Variants in PTPRO observed in about 807,000 individuals in gnomAD.
PTPRO encodes the protein protein tyrosine phosphatase receptor type O, also known as receptor-type tyrosine-protein phosphatase O.
In PTPRO, 62 loss-of-function variants were observed where a neutral mutation model predicts 145.2. The ratio of observed to expected loss-of-function variants is 0.43; its 90% CI spans 0.35 to 0.53. The LOEUF is 0.53. PTPRO is among the 20% of genes least tolerant of loss of function. The pLI, the probability that PTPRO is intolerant of heterozygous loss-of-function variation, is 0.01. For synonymous variants in PTPRO, 565 were observed against 514.7 expected (o/e 1.10, Z -1.32); for missense variants, 1,345 against 1,482.7 (o/e 0.91, Z 1.53).
chr12:15,508,424 G>C, intron 6 of PTPRO, 147 bp from the exon 7 acceptor site: 3 of 801,882 alleles, frequency 3.7e-6, no homozygotes, highest in Non-Finnish European at 6.4e-6. Context: ...CTGGGCAGAG[G>C]ACCTGAAGAG....
intron 1 of PTPRO, among the ~76,000 whole-genome samples, chr12:15,351,375 C>G (rs192826246): frequency 6.6e-6 from 1 of 152,262 alleles, no homozygotes; most frequent in Non-Finnish European, 1.5e-5. Flanking sequence ...GTGGGGCTGT[C>G]AGCAAGACTC....
At chr12:15,466,190 A>T (rs1243095439) in intron 1 of PTPRO, among the ~76,000 whole-genome samples, 1 of 152,040 alleles carries the variant, frequency 6.6e-6, no homozygotes, top group African/African-American at 2.4e-5. Context: ...TCATAATTCT[A>T]TTGTTTTAAC....
At chr12:15,514,140 C>A (rs181712242) in intron 7 of PTPRO, among the ~76,000 whole-genome samples, 11 of 152,062 alleles carry the variant, frequency 7.2e-5, no homozygotes, top group African/African-American at 2.7e-4. Context: ...GTATTTGTTA[C>A]GTATCCAAAT....
At position 15,596,891 on chromosome 12, in the gene PTPRO, TTGAACTC is replaced by T. The variant is rs1368376461; in HGVS notation, c.*821_*827del. 1 of 152,664 alleles carries T rather than the reference TTGAACTC, an allele frequency of 6.6e-6. No individual in the cohort carries two copies. Among genetic ancestry groups the T allele is most frequent in the Non-Finnish European group, 1.5e-5 (1 of 68,044 alleles). The allele number at this position is 152,664 out of a possible 1,614,324, so 9.5% of individuals were successfully genotyped here. A position where few individuals can be genotyped will look rare whatever the true frequency, so the allele number is the denominator to read the frequency against. The stretch of plus-strand genomic sequence containing the variant: ...TCAGAAGAGTGTCAAGTTGGACTCT[TTGAACTC>T]TGTTGCTGTCTGAGCAATCGTGGTG... On this transcript the variant is annotated 3_prime_UTR_variant, in exon 27 of 27. Transcript: ENST00000281171.
intron 2 of PTPRO, among the ~76,000 whole-genome samples, chr12:15,486,422 G>C (rs959632193): frequency 6.6e-6 from 1 of 151,980 alleles, no homozygotes; most frequent in Admixed American, 6.6e-5. Flanking sequence ...GCCTACTTCT[G>C]TCTTTACGTG....
intron 1 of PTPRO, among the ~76,000 whole-genome samples, chr12:15,434,391 A>G (rs1442076064): frequency 6.6e-6 from 1 of 152,202 alleles, no homozygotes; most frequent in Non-Finnish European, 1.5e-5. Flanking sequence ...TGTTTCTCAT[A>G]TAAGTAAAGG....
chr12:15,537,226 G>A (rs1591701553), intron 12 of PTPRO, among the ~76,000 whole-genome samples: 3 of 152,314 alleles, frequency 2.0e-5, no homozygotes, highest in Admixed American at 1.3e-4. Flanking sequence ...CTTGGATTCA[G>A]TGAAGACTTC....
At chr12:15,419,484 A>T (rs1193565294) in intron 1 of PTPRO, among the ~76,000 whole-genome samples, 1 of 151,722 alleles carries the variant, frequency 6.6e-6, no homozygotes, top group African/African-American at 2.4e-5. Context: ...CTAAATACTT[A>T]ACTGAAGTTA....
chr12:15,392,646 C>T (rs1032029016), intron 1 of PTPRO, among the ~76,000 whole-genome samples: 28 of 141,994 alleles, frequency 2.0e-4, no homozygotes, highest in South Asian at 4.7e-4. Flanking sequence ...GCTTGAACCT[C>T]GGAGGCGGAG....
intron 23 of PTPRO, among the ~76,000 whole-genome samples, chr12:15,585,401 C>T (rs918307370): frequency 2.6e-5 from 4 of 152,146 alleles, no homozygotes; most frequent in African/African-American, 9.7e-5. Flanking sequence ...TCTTTGTAGA[C>T]TTCATGTTCT....
At chr12:15,489,293 G>A (rs943879846) in intron 2 of PTPRO, among the ~76,000 whole-genome samples, 1 of 152,134 alleles carries the variant, frequency 6.6e-6, no homozygotes, top group Non-Finnish European at 1.5e-5. Flanking sequence ...TTCAGGGCGA[G>A]TGCACACCGC....
intron 1 of PTPRO, among the ~76,000 whole-genome samples, chr12:15,393,869 C>A (rs1939262797): frequency 6.6e-6 from 1 of 152,114 alleles, no homozygotes; most frequent in Non-Finnish European, 1.5e-5. Flanking sequence ...ATCAAGAGAT[C>A]CCATCTTGTG....
chr12:15,501,952 A>G lies in PTPRO; in HGVS notation c.994A>G (p.Lys332Glu), dbSNP rs1471855325. 1.9e-6 allele frequency: 3 copies of G among 1,614,040 alleles called. No individual in the cohort carries two copies. The African/African-American group carries it at 4.0e-5, about 22-fold the overall frequency. The stretch of plus-strand genomic sequence containing the variant: ...TAACAGTACACTCAGTGAGACAGAG[A>G]AGTCAACATCAGGCTCTTTCTCCTT... ...ENNSTLSETEKSTSGSFSFFP... is the reference protein window; with the variant it reads ...ENNSTLSETEESTSGSFSFFP... Residue 332 changes from lysine to glutamate, a missense_variant, in exon 5 of 27, where the codon AAG (lysine) becomes GAG (glutamate). Transcript: ENST00000281171.
chr12:15,569,582 T>G, intron 19 of PTPRO, 84 bp downstream of exon 19: 1 of 1,192,976 alleles, frequency 8.4e-7, no homozygotes, highest in Admixed American at 1.8e-5. Flanking sequence ...ATGTCCCTGC[T>G]CACTGGCAGT....
In PTPRO at chr12:15,588,803, T is replaced by C. The variant is rs573062072; in HGVS notation, c.3411-652T>C. On this transcript the variant is annotated intron_variant, in intron 24 of 26. Transcript: ENST00000281171. ...GTATTGTTTATGTGTATCAGCTCTC[T>C]GAATTCAGAAATCAGTTCCCGAGAG... 3.3e-5 allele frequency among the ~76,000 whole-genome samples: 5 copies of C among 152,308 alleles called. No homozygotes were observed. The South Asian group carries it at 1.0e-3, about 32-fold the overall frequency.
intron 1 of PTPRO, among the ~76,000 whole-genome samples, chr12:15,370,132 T>G (rs1184411486): frequency 6.6e-6 from 1 of 152,170 alleles, no homozygotes; most frequent in Non-Finnish European, 1.5e-5. Context: ...TAACAGAAGG[T>G]TTTTGAGTAA....
intron 17 of PTPRO, 197 bp from the exon 18 acceptor site, chr12:15,565,396 T>C: frequency 2.0e-6 from 1 of 489,280 alleles, no homozygotes; most frequent in Non-Finnish European, 3.7e-6. Context: ...TGCAATCTAG[T>C]AGAGTTTTAA....
Position 15,501,941 on chromosome 12 carries a change from G to A in PTPRO, c.983G>A (p.Ser328Asn). ...PMEYENNSTL[S>N]ETEKSTSGSF... ...GAATACGAAAATAACAGTACACTCA[G>A]TGAGACAGAGAAGTCAACATCAGGC... Residue 328 changes from serine (S) to asparagine (N), a missense_variant, in exon 5 of 27, where the codon AGT becomes AAT. Transcript: ENST00000281171. 1 of 1,614,010 alleles carries A rather than the reference G, an allele frequency of 6.2e-7. No homozygotes were observed. The highest frequency in any genetic ancestry group is 8.5e-7 in the Non-Finnish European group (1 of 1,179,920).
intron 7 of PTPRO, among the ~76,000 whole-genome samples, chr12:15,513,039 G>C (rs1942473914): frequency 6.8e-6 from 1 of 147,262 alleles, no homozygotes; most frequent in South Asian, 2.2e-4. Flanking sequence ...GAAAGAGAGA[G>C]AGAGGAAGGA....
Sources: allele counts gnomAD v4.1 joint callset (sites outside exome capture counted in the v4.1 genomes callset), GRCh38; gene constraint gnomAD v4.1.1; transcripts MANE v1.5; gene names NCBI Gene and HGNC (gene_info 2026-07-23, HGNC 2026-07-21).